Variants in ZMYND11 observed in about 807,000 individuals in gnomAD.
ZMYND11 encodes zinc finger MYND-type containing 11.
In ZMYND11, 9 loss-of-function variants were observed where a neutral mutation model predicts 84.9. The ratio of observed to expected loss-of-function variants is 0.11; its 90% CI spans 0.06 to 0.18. ZMYND11 has a LOEUF of 0.18. ZMYND11 is among the 10% of genes least tolerant of loss of function. The pLI is 1.00. For synonymous variants in ZMYND11, 250 were observed against 244.1 expected (o/e 1.02, Z -0.23); for missense variants, 409 against 761.0 (o/e 0.54, Z 5.44).
At chr10:198,401 A>G (rs535239389) in intron 2 of ZMYND11, among the ~76,000 whole-genome samples, 5 of 152,294 alleles carry the variant, frequency 3.3e-5, no homozygotes, top group East Asian at 1.9e-4. Flanking sequence ...AAAAAAGTAT[A>G]ATACCTTTAC....
chr10:193,366 A>G (rs1479757021), intron 2 of ZMYND11, among the ~76,000 whole-genome samples: 1 of 152,228 alleles, frequency 6.6e-6, no homozygotes, highest in Non-Finnish European at 1.5e-5. Flanking sequence ...ATTATTTATT[A>G]GCAGTACCGT....
At chr10:249,303 G>A (rs906950637) in intron 14 of ZMYND11, 44 of 1,376,536 alleles carry the variant, frequency 3.2e-5, no homozygotes, top group Non-Finnish European at 4.0e-5. Flanking sequence ...GGATTATTTT[G>A]TTAAATTGAG....
chr10:171,926 T>C (rs1845420651), intron 1 of ZMYND11, among the ~76,000 whole-genome samples: 1 of 152,194 alleles, frequency 6.6e-6, no homozygotes, highest in Admixed American at 6.5e-5. Context: ...GACTGGGTAA[T>C]TTATAAATAA....
At chr10:193,662 T>C (rs1044128469) in intron 2 of ZMYND11, among the ~76,000 whole-genome samples, 6 of 152,236 alleles carry the variant, frequency 3.9e-5, no homozygotes, top group African/African-American at 1.4e-4. Flanking sequence ...TGTAAACTAA[T>C]GACCTGTGCA....
At chr10:149,211 C>T (rs535807116) in intron 1 of ZMYND11, among the ~76,000 whole-genome samples, 321 of 151,942 alleles carry the variant, frequency 2.1e-3, no homozygotes, top group Middle Eastern at 3.4e-3. Flanking sequence ...TCAGTGAGAC[C>T]ACACACTCCC....
intron 1 of ZMYND11, among the ~76,000 whole-genome samples, chr10:166,118 G>T (rs1229825860): frequency 2.0e-5 from 3 of 152,090 alleles, no homozygotes; most frequent in Non-Finnish European, 4.4e-5. Flanking sequence ...ACATGTGTCA[G>T]TAACCTAAAT....
intron 1 of ZMYND11, among the ~76,000 whole-genome samples, chr10:170,139 GAA>G (rs1230705060): frequency 8.5e-5 from 13 of 152,098 alleles, no homozygotes; most frequent in African/African-American, 3.1e-4. Flanking sequence ...AATGTTGAAA[GAA>G]AAAACCCCAC....
At chr10:142,023 C>T (rs554873000) in intron 1 of ZMYND11, among the ~76,000 whole-genome samples, 2 of 152,140 alleles carry the variant, frequency 1.3e-5, no homozygotes, top group Non-Finnish European at 1.5e-5. Context: ...CACATTAGGT[C>T]GCTTTATGAG....
At chr10:240,262 T>C (rs1950650466) in intron 8 of ZMYND11, 151 bp downstream of exon 8, 2 of 596,660 alleles carry the variant, frequency 3.4e-6, no homozygotes, top group South Asian at 5.5e-5. Context: ...TCCCAGCACT[T>C]TGGGAGGCCA....
intron 3 of ZMYND11, among the ~76,000 whole-genome samples, chr10:216,322 TTC>T (rs1365115067): frequency 1.3e-5 from 2 of 152,210 alleles, no homozygotes; most frequent in African/African-American, 4.8e-5. Flanking sequence ...CAGTGAGAAT[TTC>T]TTTTTAAAGT....
intron 1 of ZMYND11, among the ~76,000 whole-genome samples, chr10:170,794 G>A (rs7903333): frequency 1.3e-5 from 2 of 151,982 alleles, no homozygotes; most frequent in African/African-American, 2.4e-5. Context: ...GAATAACAAA[G>A]TCAACCAATG....
At chr10:130,885 A>G (rs1554749850), upstream of ZMYND11, among the ~76,000 whole-genome samples, 1 of 152,172 alleles carries the variant, frequency 6.6e-6, no homozygotes, top group African/African-American at 2.4e-5. Flanking sequence ...GGGGAAGCCA[A>G]GATGGGCAGA....
chr10:248,262 C>G (rs932884416), intron 12 of ZMYND11, 74 bp from the exon 13 acceptor site: 1 of 1,527,576 alleles, frequency 6.5e-7, no homozygotes, highest in Non-Finnish European at 8.8e-7. Flanking sequence ...GAATTTTTAT[C>G]CGAATGGGGT....
chr10:164,754 G>A (rs1843619413), intron 1 of ZMYND11, among the ~76,000 whole-genome samples: 1 of 152,140 alleles, frequency 6.6e-6, no homozygotes, highest in Non-Finnish European at 1.5e-5. Flanking sequence ...AAGAAAAAAG[G>A]TAGGACAGTG....
chr10:177,298 C>G (rs1846864881), intron 1 of ZMYND11, among the ~76,000 whole-genome samples: 1 of 152,114 alleles, frequency 6.6e-6, no homozygotes, highest in Non-Finnish European at 1.5e-5. Flanking sequence ...TTGTATTTCT[C>G]TCACTTGGAT....
chr10:238,238 G>C (rs1028266915), intron 6 of ZMYND11, among the ~76,000 whole-genome samples: 2 of 152,104 alleles, frequency 1.3e-5, no homozygotes, highest in South Asian at 4.1e-4. Context: ...TTGCAGTCAG[G>C]GTTACTGAAT....
intron 2 of ZMYND11, among the ~76,000 whole-genome samples, chr10:208,856 C>T (rs558565354): frequency 2.0e-5 from 3 of 152,270 alleles, no homozygotes; most frequent in South Asian, 2.1e-4. Flanking sequence ...TGAGGCATTA[C>T]TCCCCTGACT....
chr10:212,132 G>A (rs1945350672), intron 3 of ZMYND11, among the ~76,000 whole-genome samples: 1 of 151,982 alleles, frequency 6.6e-6, no homozygotes, highest in South Asian at 2.1e-4. Flanking sequence ...TCTCTTTACT[G>A]TTTAGATTGG....
intron 1 of ZMYND11, among the ~76,000 whole-genome samples, chr10:160,300 C>G (rs1842673169): frequency 6.6e-6 from 1 of 152,180 alleles, no homozygotes; most frequent in Non-Finnish European, 1.5e-5. Flanking sequence ...TCTAACAAGA[C>G]AAATGTACAG....
Sources: gnomAD v4.1 joint callset for allele counts (sites outside exome capture counted in the v4.1 genomes callset) on GRCh38, gnomAD v4.1.1 for gene constraint, MANE v1.5 for transcripts, NCBI Gene and HGNC (gene_info 2026-07-23, HGNC 2026-07-21) for gene names.